AKIRIN1: variants seen among roughly 807,000 people sequenced by gnomAD.
The protein encoded by AKIRIN1 is akirin 1, also known as akirin-1.
A neutral mutation model predicts 25.9 loss-of-function variants in AKIRIN1; 4 were observed. That is an observed-to-expected ratio of 0.15 (90% CI 0.08 to 0.35). The LOEUF (loss-of-function observed/expected upper bound fraction) is 0.35. Ranked by LOEUF, AKIRIN1 falls within the 10% of genes least tolerant of loss-of-function variation. AKIRIN1 has a pLI of 1.00. For missense variants in AKIRIN1, 243 were observed against 266.1 expected, an observed-to-expected ratio of 0.91 and a Z score of 0.61; for synonymous variants, 125 against 105.1, an observed-to-expected ratio of 1.19 and a Z score of -1.16.
chr1:38,991,867 C>A (rs931553233), intron 1 of AKIRIN1, among the ~76,000 whole-genome samples: 1 of 152,082 alleles, frequency 6.6e-6, no homozygotes, highest in Non-Finnish European at 1.5e-5. Flanking sequence ...ATGGGAATAC[C>A]TCTGGCCGCT....
At position 38,991,349 on chromosome 1, in the gene AKIRIN1, C is replaced by T. The variant is rs1190917161; in HGVS notation, c.-32C>T. 2 of 1,334,682 alleles carry T rather than the reference C, an allele frequency of 1.5e-6. No homozygotes were observed. Among genetic ancestry groups the T allele is most frequent in the Admixed American group, 3.9e-5 (1 of 25,708 alleles). 82.7% of individuals were successfully genotyped at this position (1,334,682 alleles called of 1,614,324 possible). The stretch of plus-strand genomic sequence containing the variant: ...GCCTCTTGGGCCGCACTTACCGCCG[C>T]GTCCGCTCCCGGTCCCTGGCCCCTC... On this transcript the variant is annotated 5_prime_UTR_variant, in exon 1 of 5. Transcript: ENST00000432648.
At chr1:38,996,385 C>CT (rs1370168845) in intron 1 of AKIRIN1, among the ~76,000 whole-genome samples, 10 of 149,934 alleles carry the variant, frequency 6.7e-5, no homozygotes, top group African/African-American at 2.5e-5. Flanking sequence ...CATGTACAGG[C>CT]TTTTTTTCTT....
chr1:38,997,934 T>C (rs2148067144), intron 1 of AKIRIN1, among the ~76,000 whole-genome samples: 1 of 152,316 alleles, frequency 6.6e-6, no homozygotes, highest in Non-Finnish European at 1.5e-5. Flanking sequence ...GCTATTCTTT[T>C]ATGCATTGTT....
At chr1:38,995,324 T>C (rs943848183) in intron 1 of AKIRIN1, among the ~76,000 whole-genome samples, 3 of 152,178 alleles carry the variant, frequency 2.0e-5, no homozygotes, top group Admixed American at 6.5e-5. Flanking sequence ...AGAGTTTGAA[T>C]TTTGGTTTGT....
At chr1:39,003,524 C>T (rs1644010554) in intron 4 of AKIRIN1, 106 bp downstream of exon 4, 5 of 1,020,496 alleles carry the variant, frequency 4.9e-6, no homozygotes, top group Non-Finnish European at 7.4e-6. Flanking sequence ...GTAAAATGTG[C>T]CCAGCACTAT....
intron 1 of AKIRIN1, among the ~76,000 whole-genome samples, chr1:38,996,792 G>A (rs911585726): frequency 1.3e-5 from 2 of 152,088 alleles, no homozygotes; most frequent in Non-Finnish European, 2.9e-5. Context: ...GCCTCCCAAA[G>A]TGCTGGGATT....
At chr1:38,993,595 C>T (rs1369459692) in intron 1 of AKIRIN1, among the ~76,000 whole-genome samples, 23 of 148,270 alleles carry the variant, frequency 1.6e-4, no homozygotes, top group African/African-American at 5.5e-4. Flanking sequence ...CACACCATTG[C>T]GCTCCAGCCT....
chr1:38,991,677 G>GGTGGCC, intron 1 of AKIRIN1, 77 bp downstream of exon 1: 2 of 192,414 alleles, frequency 1.0e-5, no homozygotes, highest in Non-Finnish European at 2.2e-5. Flanking sequence ...GGAGGGTTGG[G>GGTGGCC]AATACCAGGC....
At chr1:38,999,963 AC>A (rs1308320029) in intron 2 of AKIRIN1, among the ~76,000 whole-genome samples, 1 of 151,886 alleles carries the variant, frequency 6.6e-6, no homozygotes, top group Non-Finnish European at 1.5e-5. Context: ...GCTCACTGGA[AC>A]CTTCACCTCC....
intron 1 of AKIRIN1, among the ~76,000 whole-genome samples, chr1:38,997,889 AG>A (rs4147768): frequency 0.19 from 28,840 of 152,156 alleles, 3,281 homozygotes; most frequent in East Asian, 0.45. Context: ...CAGGAAAACA[AG>A]TAAAGGGAAC....
At position 38,998,209 on chromosome 1, in the gene AKIRIN1, T is replaced by C; in HGVS notation, c.259T>C (p.Tyr87His). The change falls in exon 2 of 5, where the codon TAT (tyrosine) becomes CAT (histidine). Residue 87 changes from tyrosine (Y) to histidine (H), a missense_variant. By Grantham distance (83) the Tyr-to-His change is moderately conservative. Coordinates refer to ENST00000432648, the MANE Select transcript of AKIRIN1 (RefSeq NM_024595.3). ...FQNIKQEYSRYQRWRHLEVVL... is the reference protein window; with the variant it reads ...FQNIKQEYSRHQRWRHLEVVL... Reference sequence around the variant, plus strand: ...GAACATAAAACAAGAATATAGTCGTTATCAGAGGTGGAGACATTTAGAAGT... The same window carrying C: ...GAACATAAAACAAGAATATAGTCGTCATCAGAGGTGGAGACATTTAGAAGT... The C allele has an allele frequency of 1.9e-6, 3 of 1,613,580 alleles. No individual in the cohort carries two copies. The highest frequency in any genetic ancestry group is 2.5e-6 in the Non-Finnish European group (3 of 1,179,758).
intron 1 of AKIRIN1, 62 bp downstream of exon 1, chr1:38,991,662 GTGGGGGAGGGTT>G: frequency 2.6e-5 from 23 of 888,080 alleles, no homozygotes; most frequent in South Asian, 6.6e-5. Flanking sequence ...GGGGGGGGTG[GTGGGGGAGGGTT>G]GGGAATACCA....
chr1:38,994,902 C>T (rs1643936262), intron 1 of AKIRIN1, among the ~76,000 whole-genome samples: 1 of 151,848 alleles, frequency 6.6e-6, no homozygotes, highest in Non-Finnish European at 1.5e-5. Flanking sequence ...ACTGGTCAGG[C>T]TGGTCTCAAA....
At chr1:39,000,646 GC>G (rs1371891548) in intron 2 of AKIRIN1, among the ~76,000 whole-genome samples, 1 of 150,912 alleles carries the variant, frequency 6.6e-6, no homozygotes, top group Non-Finnish European at 1.5e-5. Flanking sequence ...ACTGCGCCCG[GC>G]CTTTTTTTCT....
intron 1 of AKIRIN1, among the ~76,000 whole-genome samples, chr1:38,992,698 C>T (rs1643915492): frequency 6.6e-6 from 1 of 152,138 alleles, no homozygotes; most frequent in African/African-American, 2.4e-5. Flanking sequence ...TCCTAGAATT[C>T]AAAGGACTTA....
intron 2 of AKIRIN1, among the ~76,000 whole-genome samples, chr1:39,000,504 C>T (rs1023845976): frequency 1.3e-4 from 20 of 151,722 alleles, no homozygotes; most frequent in East Asian, 5.8e-4. Flanking sequence ...CCCATCACCA[C>T]GTCCAGCTAA....
At chr1:39,000,048 A>C (rs1368277114) in intron 2 of AKIRIN1, among the ~76,000 whole-genome samples, 1 of 151,672 alleles carries the variant, frequency 6.6e-6, no homozygotes, top group Non-Finnish European at 1.5e-5. Flanking sequence ...ATACCCAGCT[A>C]TTTTTTTGTA....
intron 3 of AKIRIN1, among the ~76,000 whole-genome samples, chr1:39,002,169 A>G (rs1230345491): frequency 2.0e-5 from 3 of 152,200 alleles, no homozygotes; most frequent in Non-Finnish European, 4.4e-5. Context: ...CCTATGGGAT[A>G]TAGGTCAAGA....
Position 39,004,519 on chromosome 1 carries a change from T to G in AKIRIN1, c.*464T>G. 3.4e-6 allele frequency: 1 copy of G among 290,592 alleles called. No individual in the cohort carries two copies. Among genetic ancestry groups the G allele is most frequent in the East Asian group, 9.5e-5 (1 of 10,538 alleles). The allele number at this position is 290,592 out of a possible 1,614,324, so 18.0% of individuals were successfully genotyped here. On this transcript the variant is annotated 3_prime_UTR_variant, in exon 5 of 5. Transcript: ENST00000432648. ...ACAATTATGGTAAAAAAACATTTGC[T>G]TGGTCTAAAGAAGATCATTAATGTT...
Sources: allele counts gnomAD v4.1 joint callset (sites outside exome capture counted in the v4.1 genomes callset), GRCh38; gene constraint gnomAD v4.1.1; transcripts MANE v1.5; gene names NCBI Gene and HGNC (gene_info 2026-07-23, HGNC 2026-07-21).